Variants in RAB3C observed in about 807,000 individuals in gnomAD.
RAB3C encodes RAB3C, member RAS oncogene family.
In RAB3C, 17 loss-of-function variants were observed where a neutral mutation model predicts 26.4. The ratio of observed to expected loss-of-function variants is 0.64; its 90% CI spans 0.44 to 0.97. The LOEUF is 0.97. Ranked by LOEUF, RAB3C falls within the 50% of genes least tolerant of loss-of-function variation. RAB3C has a pLI of 0.00. For missense variants in RAB3C, 242 were observed against 281.9 expected (o/e 0.86, Z 1.01); for synonymous variants, 91 against 95.9 (o/e 0.95, Z 0.30).
At chr5:58,760,028 C>T (rs1258475379) in intron 3 of RAB3C, among the ~76,000 whole-genome samples, 1 of 152,204 alleles carries the variant, frequency 6.6e-6, no homozygotes, top group Non-Finnish European at 1.5e-5. Flanking sequence ...CCTTCCTCTC[C>T]TGTCTCCCTG....
At chr5:58,605,754 C>T (rs1170668601) in intron 1 of RAB3C, among the ~76,000 whole-genome samples, 4 of 151,934 alleles carry the variant, frequency 2.6e-5, no homozygotes, top group Admixed American at 6.6e-5. Flanking sequence ...AAAAATTAGC[C>T]GAATGTGTTG....
chr5:58,692,399 G>A (rs1748589041), intron 2 of RAB3C, among the ~76,000 whole-genome samples: 1 of 151,946 alleles, frequency 6.6e-6, no homozygotes, highest in South Asian at 2.1e-4. Flanking sequence ...TAATTGAATA[G>A]GAAGGATAGG....
At chr5:58,694,978 C>T (rs779524235) in intron 2 of RAB3C, among the ~76,000 whole-genome samples, 37 of 152,148 alleles carry the variant, frequency 2.4e-4, no homozygotes, top group Admixed American at 3.9e-4. Context: ...CCGTTGCTTT[C>T]GGTGTTTTAG....
chr5:58,839,464 A>G (rs569556293), intron 4 of RAB3C, among the ~76,000 whole-genome samples: 18 of 152,014 alleles, frequency 1.2e-4, no homozygotes, highest in African/African-American at 4.3e-4. Flanking sequence ...TCCGCCTCCC[A>G]GGTTCAAGAT....
intron 2 of RAB3C, among the ~76,000 whole-genome samples, chr5:58,635,131 A>G (rs751333572): frequency 1.4e-4 from 21 of 152,376 alleles, no homozygotes; most frequent in Middle Eastern, 3.4e-3. Context: ...GGGATAAGTC[A>G]TCAGAGCTAT....
At chr5:58,824,526 T>G (rs988801494) in intron 3 of RAB3C, among the ~76,000 whole-genome samples, 11 of 152,344 alleles carry the variant, frequency 7.2e-5, no homozygotes, top group African/African-American at 2.2e-4. Context: ...AAATTATTAC[T>G]TCTCCCAGAT....
Position 58,845,616 on chromosome 5 carries a change from G to A in RAB3C, c.497-5548G>A, listed in dbSNP as rs866692000. The stretch of plus-strand genomic sequence containing the variant: ...TTACTATATATATATATATATATGT[G>A]TGTGTGTGTGTGTGTATATGTATAT... On this transcript the variant is annotated intron_variant, in intron 4 of 4. Transcript: ENST00000282878. 2.3e-3 allele frequency among the ~76,000 whole-genome samples: 74 copies of A among 32,662 alleles called. 1 individual carries two copies. The highest frequency in any genetic ancestry group is 8.5e-3 in the Admixed American group (33 of 3,886). The allele number at this position is 32,662 out of a possible 152,430, so 21.4% of individuals were successfully genotyped here.
intron 3 of RAB3C, among the ~76,000 whole-genome samples, chr5:58,816,563 G>T (rs1420640333): frequency 6.6e-6 from 1 of 152,144 alleles, no homozygotes. Context: ...GCACAGAAGT[G>T]GTAAGGCCTG....
intron 3 of RAB3C, among the ~76,000 whole-genome samples, chr5:58,796,878 G>A (rs1432796826): frequency 6.6e-6 from 1 of 152,034 alleles, no homozygotes; most frequent in Non-Finnish European, 1.5e-5. Context: ...AGAGTTCATA[G>A]CAGTCATCTT....
intron 1 of RAB3C, among the ~76,000 whole-genome samples, chr5:58,607,716 C>T (rs544180413): frequency 2.6e-5 from 4 of 152,278 alleles, no homozygotes; most frequent in South Asian, 4.1e-4. Flanking sequence ...GCTGATCTCT[C>T]GGCAGAAACC....
At chr5:58,650,904 T>C (rs770973295) in intron 2 of RAB3C, among the ~76,000 whole-genome samples, 1 of 152,142 alleles carries the variant, frequency 6.6e-6, no homozygotes, top group Non-Finnish European at 1.5e-5. Flanking sequence ...AGGGGAAAAC[T>C]AGGACCTGAA....
chr5:58,684,795 A>G (rs182899704), intron 2 of RAB3C, among the ~76,000 whole-genome samples: 2 of 152,292 alleles, frequency 1.3e-5, no homozygotes, highest in African/African-American at 2.4e-5. Context: ...AGGAGTTGCA[A>G]TCCTACTTTT....
chr5:58,660,111 A>G (rs1013065725), intron 2 of RAB3C, among the ~76,000 whole-genome samples: 2 of 150,784 alleles, frequency 1.3e-5, no homozygotes, highest in Admixed American at 6.6e-5. Context: ...GGCTTTTCTT[A>G]AATTCCTAAT....
chr5:58,769,779 C>T (rs1741994164), intron 3 of RAB3C, among the ~76,000 whole-genome samples: 1 of 152,112 alleles, frequency 6.6e-6, no homozygotes, highest in Non-Finnish European at 1.5e-5. Context: ...TATAAATTTA[C>T]ATTTAATATT....
intron 4 of RAB3C, among the ~76,000 whole-genome samples, chr5:58,836,431 ATTG>A (rs1393644431): frequency 6.6e-6 from 1 of 152,144 alleles, no homozygotes; most frequent in Non-Finnish European, 1.5e-5. Context: ...ACAATGTATT[ATTG>A]TTAACTACAG....
intron 2 of RAB3C, among the ~76,000 whole-genome samples, chr5:58,630,666 A>C (rs1054989185): frequency 1.3e-5 from 2 of 152,212 alleles, no homozygotes; most frequent in Admixed American, 1.3e-4. Context: ...TCATGGGAGA[A>C]AGACAATGAG....
intron 1 of RAB3C, among the ~76,000 whole-genome samples, chr5:58,590,655 G>A (rs1320929062): frequency 1.3e-5 from 2 of 152,002 alleles, no homozygotes; most frequent in Admixed American, 1.3e-4. Flanking sequence ...CGATTCTCCT[G>A]CCTCAGCCTC....
At chr5:58,683,585 G>A (rs953589866) in intron 2 of RAB3C, among the ~76,000 whole-genome samples, 6 of 152,122 alleles carry the variant, frequency 3.9e-5, no homozygotes, top group Non-Finnish European at 8.8e-5. Flanking sequence ...ATCCATGGTT[G>A]CACTTTCTAT....
At chr5:58,670,152 C>T (rs1317959252) in intron 2 of RAB3C, among the ~76,000 whole-genome samples, 2 of 152,132 alleles carry the variant, frequency 1.3e-5, no homozygotes, top group Non-Finnish European at 2.9e-5. Context: ...CTCTCTCCCA[C>T]CAACACTACT....
Sources: allele counts gnomAD v4.1 joint callset (sites outside exome capture counted in the v4.1 genomes callset), GRCh38; gene constraint gnomAD v4.1.1; transcripts MANE v1.5; gene names NCBI Gene and HGNC (gene_info 2026-07-23, HGNC 2026-07-21).